The following RGPD3 variants were observed in gnomAD, a reference collection of about 807,000 sequenced individuals.
The protein encoded by RGPD3 is ranBP2-like and GRIP domain-containing protein 3.
Under a neutral mutation model 154.5 loss-of-function variants are expected in RGPD3, and 62 were observed. That is an observed-to-expected ratio of 0.40 (90% CI 0.33 to 0.50). The LOEUF is 0.50. RGPD3 is among the 20% of genes least tolerant of loss of function. The pLI, the probability that RGPD3 is intolerant of heterozygous loss-of-function variation, is 0.59. For synonymous variants in RGPD3, 308 were observed against 607.0 expected, an observed-to-expected ratio of 0.51 and a Z score of 7.24; for missense variants, 919 against 1,716.8, an observed-to-expected ratio of 0.54 and a Z score of 8.21.
intron 20 of RGPD3, among the ~76,000 whole-genome samples, chr2:106,421,116 C>T (rs1676972363): frequency 6.6e-6 from 1 of 152,152 alleles, no homozygotes; most frequent in African/African-American, 2.4e-5. Flanking sequence ...GATACAGATT[C>T]TTGTTCCACT....
At chr2:106,409,427 T>C (rs1045946664) in intron 22 of RGPD3, among the ~76,000 whole-genome samples, 1 of 152,218 alleles carries the variant, frequency 6.6e-6, no homozygotes, top group African/African-American at 2.4e-5. Flanking sequence ...GAAGGCAGAT[T>C]CTTAAAGTTT....
At chr2:106,420,295 G>A (rs1391471690) in intron 20 of RGPD3, among the ~76,000 whole-genome samples, 1 of 148,684 alleles carries the variant, frequency 6.7e-6, no homozygotes. Flanking sequence ...CCATTCATAT[G>A]GCTGAAAACA....
intron 21 of RGPD3, 74 bp downstream of exon 21, chr2:106,415,776 T>C: frequency 1.9e-6 from 3 of 1,603,626 alleles, no homozygotes; most frequent in African/African-American, 1.4e-5. Flanking sequence ...ATTTTTAAAC[T>C]TGGGTACATG....
chr2:106,420,779 T>C (rs4676028), intron 20 of RGPD3, among the ~76,000 whole-genome samples: 1 of 137,676 alleles, frequency 7.3e-6, no homozygotes, highest in Non-Finnish European at 1.6e-5. Context: ...ATTTATTTAT[T>C]TATGTATTTA....
rs373315300 is a variant in RGPD3, at chr2:106,411,346, A to G, written c.5266+1738T>C. Among the ~76,000 whole-genome samples the G allele has an allele frequency of 8.2e-4, 110 of 134,230 alleles. 2 individuals carry two copies. In the South Asian group the frequency reaches 0.027, roughly 33 times the overall value. The allele number at this position is 134,230 out of a possible 152,430, so 88.1% of individuals were successfully genotyped here. A position where few individuals can be genotyped will look rare whatever the true frequency, so the allele number is the denominator to read the frequency against. On this transcript the variant is annotated intron_variant, in intron 22 of 22. Coordinates refer to ENST00000409886, the MANE Select transcript of RGPD3 (RefSeq NM_001144013.2). ...AAGCACACAATACCATCTATGATGTATTTTTGTCCACCATCCCACCTAATT... is the reference window on the plus strand; with the variant it reads ...AAGCACACAATACCATCTATGATGTGTTTTTGTCCACCATCCCACCTAATT...
At chr2:106,444,623 C>T (rs1463810573) in intron 7 of RGPD3, among the ~76,000 whole-genome samples, 2 of 129,086 alleles carry the variant, frequency 1.5e-5, no homozygotes, top group Non-Finnish European at 3.3e-5. Context: ...GAGTTCAAGA[C>T]CAACCAGCCT....
At chr2:106,408,928 C>T (rs1369829414) in intron 22 of RGPD3, among the ~76,000 whole-genome samples, 1 of 151,630 alleles carries the variant, frequency 6.6e-6, no homozygotes, top group South Asian at 2.1e-4. Flanking sequence ...TCAAGCAATC[C>T]TCCTGCCTGG....
Position 106,436,194 on chromosome 2 carries a change from G to T in RGPD3, c.1687C>A (p.Leu563Ile). 1 of 1,611,876 alleles carries T rather than the reference G, an allele frequency of 6.2e-7. No individual in the cohort carries two copies. The highest frequency in any genetic ancestry group is 8.5e-7 in the Non-Finnish European group (1 of 1,179,848). The part of the protein sequence containing the change: ...RLLVQHEINT[L>I]RAQEKHGLQP... ...AGGCCATGTTTTTCCTGGGCTCTTA[G>T]AGTGTTTATTTCATGCTGAACTAGA... The change falls in exon 12 of 23, where the codon CTA becomes ATA. Residue 563 changes from leucine (L) to isoleucine (I), a missense_variant. By Grantham distance (5) the Leu-to-Ile change is conservative (BLOSUM62 2). Transcript: ENST00000409886.
chr2:106,443,592 C>T (rs1278424164), intron 7 of RGPD3, among the ~76,000 whole-genome samples: 3 of 96,238 alleles, frequency 3.1e-5, no homozygotes, highest in Admixed American at 1.0e-4. Flanking sequence ...TTCATAAACC[C>T]GGCCTCTTTT....
intron 6 of RGPD3, among the ~76,000 whole-genome samples, chr2:106,448,654 A>G (rs1015555421): frequency 2.0e-5 from 3 of 150,700 alleles, no homozygotes; most frequent in Non-Finnish European, 4.4e-5. Flanking sequence ...AAATTTATAT[A>G]TTACATACTC....
In RGPD3 at chr2:106,468,299, A is replaced by T. The variant is rs570358994; in HGVS notation, c.-11T>A. 6.2e-7 allele frequency: 1 copy of T among 1,602,414 alleles called. No homozygotes were observed. The highest frequency in any genetic ancestry group is 1.1e-5 in the South Asian group (1 of 88,780). The stretch of plus-strand genomic sequence containing the variant: ...CTTGCTGCAACTCATCGCGCCACCA[A>T]CCTGGCTCCCGAGATGCGTGAGACC... On this transcript the variant is annotated 5_prime_UTR_variant, in exon 1 of 23. The change creates a new upstream start codon in the 5' untranslated region. Coordinates refer to ENST00000409886, the MANE Select transcript of RGPD3 (RefSeq NM_001144013.2).
intron 20 of RGPD3, among the ~76,000 whole-genome samples, chr2:106,421,292 C>T (rs1573249185): frequency 6.6e-6 from 1 of 151,976 alleles, no homozygotes; most frequent in South Asian, 2.1e-4. Context: ...TAGGCACATT[C>T]GTTCTTAGGT....
rs1677123057 is a variant in RGPD3, at chr2:106,424,590, G to A, written c.3377C>T (p.Ser1126Leu). The change falls in exon 20 of 23, where the codon TCA (serine) becomes TTA (leucine). Residue 1126 changes from serine (S) to leucine (L), a missense_variant. Transcript: ENST00000409886. ...TTMNLKPLSG[S>L]DRAWMWSASD... ...GGCTGACCACATCCATGCTCTATCT[G>A]ATCCAGAGAGGGGCTTCAGGTTCAT... 1 of 1,611,272 alleles carries A rather than the reference G, an allele frequency of 6.2e-7. No homozygotes were observed.
At chr2:106,470,411 C>G (rs888071588), upstream of RGPD3, among the ~76,000 whole-genome samples, 1 of 152,218 alleles carries the variant, frequency 6.6e-6, no homozygotes, top group Non-Finnish European at 1.5e-5. Flanking sequence ...ACTGACATGT[C>G]TCTCAGAGAT....
At chr2:106,409,871 CTTTTT>C (rs57602292) in intron 22 of RGPD3, among the ~76,000 whole-genome samples, 21 of 94,440 alleles carry the variant, frequency 2.2e-4, no homozygotes, top group Middle Eastern at 0.01. Context: ...TTGTAGTTTA[CTTTTT>C]TTTTTTTTTT....
chr2:106,437,479 T>C (rs1272605861), intron 9 of RGPD3, among the ~76,000 whole-genome samples: 1 of 151,754 alleles, frequency 6.6e-6, no homozygotes, highest in African/African-American at 2.4e-5. Flanking sequence ...GCCACTGCGC[T>C]CCAGCCTGGG....
chr2:106,415,192 T>C (rs2104447324), intron 21 of RGPD3, among the ~76,000 whole-genome samples: 1 of 150,834 alleles, frequency 6.6e-6, no homozygotes, highest in East Asian at 2.0e-4. Context: ...AACTGTTTAG[T>C]AGTTCAGTAC....
intron 1 of RGPD3, among the ~76,000 whole-genome samples, chr2:106,464,661 A>G (rs1678512434): frequency 6.6e-6 from 1 of 152,070 alleles, no homozygotes; most frequent in African/African-American, 2.4e-5. Flanking sequence ...TTGACAGAAC[A>G]TAGAAAAACT....
upstream of RGPD3, chr2:106,468,506 C>G (rs1678722568): frequency 3.2e-6 from 3 of 930,388 alleles, no homozygotes; most frequent in Non-Finnish European, 3.1e-6. Flanking sequence ...GCACCCTGTG[C>G]TCTGAGGGTG....
Sources: allele counts gnomAD v4.1 joint callset (sites outside exome capture counted in the v4.1 genomes callset), GRCh38; gene constraint gnomAD v4.1.1; transcripts MANE v1.5; gene names NCBI Gene and HGNC (gene_info 2026-07-23, HGNC 2026-07-21).